The following MLEC variants were observed in gnomAD, a reference collection of about 807,000 sequenced individuals.
MLEC encodes the protein oligosaccharyltransferase complex subunit (non-catalytic).
MLEC carries 7 observed loss-of-function variants against 28.7 expected under a neutral mutation model. The ratio of observed to expected loss-of-function variants is 0.24; its 90% CI spans 0.14 to 0.46. MLEC has a LOEUF of 0.46. Among genes scored for constraint, MLEC ranks in the 20% least tolerant of loss-of-function variants. MLEC has a pLI of 0.99. For missense variants in MLEC, 237 were observed against 391.1 expected (o/e 0.61, Z 3.32); for synonymous variants, 142 against 164.4 (o/e 0.86, Z 1.04).
intron 1 of MLEC, among the ~76,000 whole-genome samples, chr12:120,689,731 G>A (rs766072480): frequency 6.6e-6 from 1 of 152,218 alleles, no homozygotes; most frequent in African/African-American, 2.4e-5. Flanking sequence ...CCCTTGCCTC[G>A]TGCAGCTATT....
rs746157229 is a variant in MLEC, at chr12:120,696,503, C to T, written c.837C>T (p.Phe279=). 58 of 1,614,094 alleles carry T rather than the reference C, an allele frequency of 3.6e-5. No homozygotes were observed. The highest frequency in any genetic ancestry group is 2.3e-4 in the Admixed American group (14 of 60,012). The part of the protein sequence containing the change: ...SSLMFPILVA[F]GVFIPTLFCL... ...TCATGTTTCCCATCCTGGTGGCCTT[C>T]GGAGTCTTCATTCCAACCCTCTTCT... Residue 279 remains phenylalanine (F), a synonymous_variant, in exon 5 of 5, where the codon TTC becomes TTT. Transcript: ENST00000228506. This position sits in a 1 kb window ranked among gnomAD's most constrained non-coding sequence, Gnocchi z 5.4.
intron 4 of MLEC, among the ~76,000 whole-genome samples, chr12:120,695,966 AG>A (rs1474854147): frequency 1.3e-5 from 2 of 152,224 alleles, no homozygotes; most frequent in African/African-American, 4.8e-5. Context: ...GTGAATCAAA[AG>A]GGAATGTGGG....
intron 1 of MLEC, 154 bp from the exon 2 acceptor site, chr12:120,693,937 G>T: frequency 3.3e-6 from 2 of 603,026 alleles, no homozygotes; most frequent in Non-Finnish European, 5.7e-6. Flanking sequence ...TGCCTTTGTT[G>T]GAGCTCTGTT....
Position 120,687,231 on chromosome 12 carries a change from CG to C in MLEC, c.-62del. The C allele has an allele frequency of 1.5e-6, 2 of 1,331,804 alleles. No homozygotes were observed. Among genetic ancestry groups the C allele is most frequent in the Non-Finnish European group, 9.6e-7 (1 of 1,046,538 alleles). 82.5% of individuals were successfully genotyped at this position (1,331,804 alleles called of 1,614,324 possible). A position where few individuals can be genotyped will look rare whatever the true frequency, so the allele number is the denominator to read the frequency against. On this transcript the variant is annotated 5_prime_UTR_variant, in exon 1 of 5. Transcript: ENST00000228506. This position sits in a 1 kb window ranked among gnomAD's most constrained non-coding sequence, Gnocchi z 8.1. The stretch of plus-strand genomic sequence containing the variant: ...GCCCGTGGCGCTGTTTTTCTGAGTC[CG>C]GGGTGGCCTGGCAGCCGGCCGAGGA...
intron 1 of MLEC, among the ~76,000 whole-genome samples, chr12:120,688,434 TG>T: frequency 6.6e-6 from 1 of 152,358 alleles, no homozygotes; most frequent in South Asian, 2.1e-4. Flanking sequence ...GGGCTTGTGA[TG>T]TAGGTTGCCC....
rs1212997458 is a variant in MLEC at position 120,694,984 on chromosome 12, A to G, written c.575A>G (p.Tyr192Cys). ...GTGTCCACCTTCACAGGGAAACTCT[A>G]CATTGAGTTTGTCAAGGTAATTCCC... ...GEVSTFTGKL[Y>C]IEFVKGYYDN... The change falls in exon 3 of 5, where the codon TAC (tyrosine) becomes TGC (cysteine). Residue 192 changes from tyrosine to cysteine, a missense_variant. Transcript: ENST00000228506. The surrounding 1 kb of genome is among the most constrained non-coding windows in gnomAD (Gnocchi z 4.5). 4 of 1,614,184 alleles carry G rather than the reference A, an allele frequency of 2.5e-6. No individual in the cohort carries two copies. The highest frequency in any genetic ancestry group is 1.7e-5 in the Admixed American group (1 of 60,016).
At chr12:120,695,210 C>A (rs1457628125) in intron 4 of MLEC, 58 bp downstream of exon 4, 41 of 1,585,002 alleles carry the variant, frequency 2.6e-5, no homozygotes, top group African/African-American at 1.3e-5. Flanking sequence ...GTTGAGGAAG[C>A]CCTTGGGAGG....
In MLEC at chr12:120,695,168, A is replaced by G; in HGVS notation, c.649+16A>G. On this transcript the variant is annotated intron_variant, in intron 4 of 4. Transcript: ENST00000228506. ...ACAGTGGATGGTAGGTTGTGTTCTGACCTGCTTTTTTGACTTGAGTGGAGG... is the reference window on the plus strand; with the variant it reads ...ACAGTGGATGGTAGGTTGTGTTCTGGCCTGCTTTTTTGACTTGAGTGGAGG... 1 of 1,614,042 alleles carries G rather than the reference A, an allele frequency of 6.2e-7. No individual in the cohort carries two copies.
In MLEC at chr12:120,694,006, G is replaced by A; in HGVS notation, c.236-85G>A. The A allele has an allele frequency of 7.5e-7, 1 of 1,332,508 alleles. No homozygotes were observed. Among genetic ancestry groups the A allele is most frequent in the Non-Finnish European group, 1.0e-6 (1 of 975,518 alleles). 82.5% of individuals were successfully genotyped at this position (1,332,508 alleles called of 1,614,324 possible). ...TGGAGAGGGTTATTAGCATTGCCCT[G>A]GAAATGCCTCTGGCTGTTCTGGGGT... On this transcript the variant is annotated intron_variant, in intron 1 of 4. Transcript: ENST00000228506. This position sits in a 1 kb window ranked among gnomAD's most constrained non-coding sequence, Gnocchi z 4.5.
In MLEC at chr12:120,687,644, G is replaced by T. The variant is rs1467810378; in HGVS notation, c.235+113G>T. 3.8e-6 allele frequency: 3 copies of T among 791,746 alleles called. No homozygotes were observed. Among genetic ancestry groups the T allele is most frequent in the Non-Finnish European group, 5.5e-6 (3 of 548,606 alleles). 49.0% of individuals were successfully genotyped at this position (791,746 alleles called of 1,614,324 possible). On this transcript the variant is annotated intron_variant, in intron 1 of 4. Coordinates refer to ENST00000228506, the MANE Select transcript of MLEC (RefSeq NM_014730.4). This position sits in a 1 kb window ranked among gnomAD's most constrained non-coding sequence, Gnocchi z 8.1. ...GACCCTGGGGCCGCGTCTCTGGAGCGAAGTTTCTCTCTGCAGCTTCTTCGG... is the reference window on the plus strand; with the variant it reads ...GACCCTGGGGCCGCGTCTCTGGAGCTAAGTTTCTCTCTGCAGCTTCTTCGG...
chr12:120,693,841 C>T (rs757131480), intron 1 of MLEC, among the ~76,000 whole-genome samples: 2 of 152,200 alleles, frequency 1.3e-5, no homozygotes, highest in Admixed American at 6.5e-5. Flanking sequence ...TAGAAAGTTC[C>T]GCTCTGAGGT....
At position 120,695,165 on chromosome 12, in the gene MLEC, C is replaced by A; in HGVS notation, c.649+13C>A. On this transcript the variant is annotated intron_variant, in intron 4 of 4. Transcript: ENST00000228506. ...GGGACAGTGGATGGTAGGTTGTGTT[C>A]TGACCTGCTTTTTTGACTTGAGTGG... is the stretch of plus-strand genomic sequence containing the variant. 1 of 1,614,116 alleles carries A rather than the reference C, an allele frequency of 6.2e-7. No homozygotes were observed. The highest frequency in any genetic ancestry group is 8.5e-7 in the Non-Finnish European group (1 of 1,179,992).
At chr12:120,695,490 GTTT>G (rs1882196419) in intron 4 of MLEC, among the ~76,000 whole-genome samples, 1 of 152,142 alleles carries the variant, frequency 6.6e-6, no homozygotes, top group Non-Finnish European at 1.5e-5. Flanking sequence ...TATTCTGTTT[GTTT>G]GACATCTCTT....
chr12:120,695,510 G>A (rs1378396634), intron 4 of MLEC, among the ~76,000 whole-genome samples: 1 of 152,008 alleles, frequency 6.6e-6, no homozygotes, highest in Non-Finnish European at 1.5e-5. Flanking sequence ...TCTTTCCTAG[G>A]GGAAAAAAAG....
At chr12:120,688,456 G>A (rs1881909397) in intron 1 of MLEC, among the ~76,000 whole-genome samples, 1 of 152,206 alleles carries the variant, frequency 6.6e-6, no homozygotes, top group Non-Finnish European at 1.5e-5. Context: ...CGAGACCACC[G>A]TTTTGGAAGA....
At position 120,687,502 on chromosome 12, in the gene MLEC, A is replaced by T; in HGVS notation, c.206A>T (p.Lys69Met). 6.8e-7 allele frequency: 1 copy of T among 1,476,098 alleles called. No individual in the cohort carries two copies. Among genetic ancestry groups the T allele is most frequent in the East Asian group, 2.7e-5 (1 of 36,742 alleles). 91.4% of individuals were successfully genotyped at this position (1,476,098 alleles called of 1,614,324 possible). Reference protein sequence around the residue: ...HVDVHGIHFRKDPLEGRVGRA... With the variant: ...HVDVHGIHFRMDPLEGRVGRA... ...GACGTGCACGGGATCCACTTCCGCA[A>T]GGACCCTTTGGAAGGCCGGGTGGGC... The change falls in exon 1 of 5, where the codon AAG becomes ATG. Residue 69 changes from lysine (K) to methionine (M), a missense_variant. Physicochemically the swap from Lys to Met is moderately conservative, Grantham distance 95. Coordinates refer to ENST00000228506, the MANE Select transcript of MLEC (RefSeq NM_014730.4). The surrounding 1 kb of genome is among the most constrained non-coding windows in gnomAD (Gnocchi z 8.1).
chr12:120,694,988 T>G lies in MLEC; in HGVS notation c.579T>G (p.Ile193Met). The G allele has an allele frequency of 6.2e-7, 1 of 1,614,058 alleles. No homozygotes were observed. The highest frequency in any genetic ancestry group is 1.1e-5 in the South Asian group (1 of 91,068). ...CCACCTTCACAGGGAAACTCTACAT[T>G]GAGTTTGTCAAGGTAATTCCCCTAT... ...EVSTFTGKLY[I>M]EFVKGYYDNP... The change falls in exon 3 of 5, where the codon ATT becomes ATG. Residue 193 changes from isoleucine (I) to methionine (M), a missense_variant. Transcript: ENST00000228506. This position sits in a 1 kb window ranked among gnomAD's most constrained non-coding sequence, Gnocchi z 4.5.
Position 120,687,518 on chromosome 12 carries a change from C to T in MLEC, c.222C>T (p.Gly74=). Residue 74 remains glycine, a synonymous_variant, in exon 1 of 5, where the codon GGC becomes GGT. Transcript: ENST00000228506. The surrounding 1 kb of genome is among the most constrained non-coding windows in gnomAD (Gnocchi z 8.1). ...GIHFRKDPLE[G]RVGRASDYGM... is the part of the protein sequence containing the mutation. ...ACTTCCGCAAGGACCCTTTGGAAGG[C>T]CGGGTGGGCCGAGGTGAGAGTCCCC... is the stretch of plus-strand genomic sequence containing the variant. 2 of 1,490,156 alleles carry T rather than the reference C, an allele frequency of 1.3e-6. No homozygotes were observed. Among genetic ancestry groups the T allele is most frequent in the South Asian group, 2.7e-5 (2 of 74,358 alleles). The allele number at this position is 1,490,156 out of a possible 1,614,324, so 92.3% of individuals were successfully genotyped here.
At position 120,696,211 on chromosome 12, in the gene MLEC, G is replaced by C; in HGVS notation, c.650-105G>C. 5 of 1,432,290 alleles carry C rather than the reference G, an allele frequency of 3.5e-6. No homozygotes were observed. Among genetic ancestry groups the C allele is most frequent in the Non-Finnish European group, 4.7e-6 (5 of 1,052,746 alleles). The allele number at this position is 1,432,290 out of a possible 1,614,324, so 88.7% of individuals were successfully genotyped here. ...TACTTCTGGTCTTTTCTCTGGACCC[G>C]GGTTCAATCACAGCAATCTCTTTAT... On this transcript the variant is annotated intron_variant, in intron 4 of 4. Coordinates refer to ENST00000228506, the MANE Select transcript of MLEC (RefSeq NM_014730.4). The surrounding 1 kb of genome is among the most constrained non-coding windows in gnomAD (Gnocchi z 5.4).
Sources: gnomAD v4.1 joint callset for allele counts (sites outside exome capture counted in the v4.1 genomes callset) on GRCh38, gnomAD v4.1.1 for gene constraint, Gnocchi (gnomAD v3.1) non-coding constraint, MANE v1.5 for transcripts, NCBI Gene and HGNC (gene_info 2026-07-23, HGNC 2026-07-21) for gene names.